Variants in BMAL2 observed in about 807,000 individuals in gnomAD.
BMAL2 encodes the protein basic helix-loop-helix ARNT like 2, also known as basic helix-loop-helix ARNT-like protein 2.
the BMAL2 span, among the ~76,000 whole-genome samples, chr12:27,366,418 A>C: frequency 2.0e-5 from 3 of 152,264 alleles, no homozygotes; most frequent in East Asian, 5.8e-4. Context: ...ATCTTCCACT[A>C]TTATTGTAGA....
chr12:27,386,045 C>T, the BMAL2 span, among the ~76,000 whole-genome samples: 1 of 152,008 alleles, frequency 6.6e-6, no homozygotes, highest in Non-Finnish European at 1.5e-5. Flanking sequence ...CTCATGCCCT[C>T]GGAGGTGATA....
chr12:27,388,550 G>C, the BMAL2 span, among the ~76,000 whole-genome samples: 1 of 151,944 alleles, frequency 6.6e-6, no homozygotes, highest in South Asian at 2.1e-4. Context: ...AGAAGGGGAG[G>C]AAACATTTCA....
chr12:27,368,746 AAAT>A, the BMAL2 span, among the ~76,000 whole-genome samples: 4 of 152,248 alleles, frequency 2.6e-5, no homozygotes, highest in Admixed American at 6.5e-5. Context: ...GTTTGATTTA[AAAT>A]AATAATGACT....
chr12:27,372,545 G>A, the BMAL2 span, among the ~76,000 whole-genome samples: 2 of 152,304 alleles, frequency 1.3e-5, no homozygotes, highest in South Asian at 4.1e-4. Flanking sequence ...TGGGTTATAT[G>A]AGAATTCTGT....
the BMAL2 span, among the ~76,000 whole-genome samples, chr12:27,397,410 GC>G: frequency 1.3e-5 from 2 of 152,174 alleles, no homozygotes; most frequent in Non-Finnish European, 2.9e-5. Context: ...AATGATGAAA[GC>G]CTGTGGTTAG....
the BMAL2 span, among the ~76,000 whole-genome samples, chr12:27,337,525 C>T: frequency 1.3e-5 from 2 of 152,162 alleles, no homozygotes; most frequent in Non-Finnish European, 2.9e-5. Flanking sequence ...AGGCTGTTGG[C>T]TGTTCCTGGA....
chr12:27,369,441 A>G, the BMAL2 span, among the ~76,000 whole-genome samples: 1 of 152,190 alleles, frequency 6.6e-6, no homozygotes, highest in African/African-American at 2.4e-5. Context: ...CCACATATAA[A>G]TGATTGGAAG....
the BMAL2 span, among the ~76,000 whole-genome samples, chr12:27,404,864 C>T: frequency 6.6e-6 from 1 of 152,178 alleles, no homozygotes; most frequent in Non-Finnish European, 1.5e-5. Flanking sequence ...AAAGGGGTGA[C>T]AGATGGGCAC....
the BMAL2 span, chr12:27,402,808 A>G: frequency 1.3e-6 from 1 of 779,620 alleles, no homozygotes; most frequent in East Asian, 2.8e-5. Flanking sequence ...GTTGGGTTAT[A>G]GGAATCCCAA....
At chr12:27,348,746 C>T in the BMAL2 span, among the ~76,000 whole-genome samples, 7,411 of 152,246 alleles carry the variant, frequency 0.049, 455 homozygotes, top group East Asian at 0.34. Flanking sequence ...ATTGCATAAT[C>T]CATCATTTCC....
the BMAL2 span, chr12:27,415,773 C>A: frequency 1.2e-6 from 1 of 823,492 alleles, no homozygotes; most frequent in Middle Eastern, 3.5e-4. Context: ...AAGTTCCTCA[C>A]TGTATTTTTA....
chr12:27,396,090 A>C, the BMAL2 span, among the ~76,000 whole-genome samples: 1 of 152,236 alleles, frequency 6.6e-6, no homozygotes, highest in African/African-American at 2.4e-5. Context: ...ATTAAGGGTA[A>C]ATAAGGTTAT....
the BMAL2 span, among the ~76,000 whole-genome samples, chr12:27,405,071 A>T: frequency 6.6e-6 from 1 of 152,192 alleles, no homozygotes; most frequent in East Asian, 1.9e-4. Flanking sequence ...ACCATTGCCG[A>T]GGCTTGAGTA....
At chr12:27,420,272 T>G in the BMAL2 span, 5 of 1,230,334 alleles carry the variant, frequency 4.1e-6, no homozygotes, top group Non-Finnish European at 4.6e-6. Flanking sequence ...CAAAAATACA[T>G]TTTATGGTTT....
At chr12:27,387,167 T>C in the BMAL2 span, 2 of 1,035,876 alleles carry the variant, frequency 1.9e-6, no homozygotes, top group Non-Finnish European at 3.0e-6. Flanking sequence ...TGTGTGTGTG[T>C]GTGCGTGTGT....
At chr12:27,405,464 C>T in the BMAL2 span, among the ~76,000 whole-genome samples, 7 of 152,322 alleles carry the variant, frequency 4.6e-5, no homozygotes, top group African/African-American at 9.6e-5. Context: ...CTGCAGCCTC[C>T]GCTGCTGATA....
chr12:27,371,550 G>T, the BMAL2 span, among the ~76,000 whole-genome samples: 1 of 152,110 alleles, frequency 6.6e-6, no homozygotes, highest in Non-Finnish European at 1.5e-5. Context: ...GGATAAACAC[G>T]AACTAAGTCA....
At chr12:27,418,197 G>A in the BMAL2 span, 1 of 1,598,466 alleles carries the variant, frequency 6.3e-7, no homozygotes. Context: ...CCACTCCTCA[G>A]TAAGTTTTCT....
At chr12:27,368,277 A>T in the BMAL2 span, 1 of 1,614,160 alleles carries the variant, frequency 6.2e-7, no homozygotes, top group East Asian at 2.2e-5. Flanking sequence ...GTGTTGAGAG[A>T]GGAGAACCAG....
Sources: allele counts gnomAD v4.1 joint callset (sites outside exome capture counted in the v4.1 genomes callset), GRCh38; gene constraint gnomAD v4.1.1; transcripts MANE v1.5; gene names NCBI Gene and HGNC (gene_info 2026-07-23, HGNC 2026-07-21).